The following FBXO42 variants were observed in gnomAD, a reference collection of about 807,000 sequenced individuals.
FBXO42 encodes F-box only protein 42.
In FBXO42, 12 loss-of-function variants were observed where a neutral mutation model predicts 71.7. The observed-to-expected ratio is 0.17, with a 90% CI of 0.11 to 0.27. The LOEUF (loss-of-function observed/expected upper bound fraction) is 0.27. Among genes scored for constraint, FBXO42 ranks in the 10% least tolerant of loss-of-function variants. The pLI is 1.00. For missense variants in FBXO42, 707 were observed against 911.9 expected, an observed-to-expected ratio of 0.78 and a Z score of 2.89; for synonymous variants, 325 against 327.5, an observed-to-expected ratio of 0.99 and a Z score of 0.08.
intron 2 of FBXO42, among the ~76,000 whole-genome samples, chr1:16,306,687 TG>T (rs2082254419): frequency 6.6e-6 from 1 of 151,986 alleles, no homozygotes; most frequent in South Asian, 2.1e-4. Context: ...AGTTTACAAT[TG>T]ATTATGTTTT....
At position 16,352,480 on chromosome 1, in the gene FBXO42, G is replaced by T; in HGVS notation, c.-243C>A. 2.5e-6 allele frequency: 1 copy of T among 396,150 alleles called. No individual in the cohort carries two copies. The highest frequency in any genetic ancestry group is 4.5e-6 in the Non-Finnish European group (1 of 224,486). 24.5% of individuals were successfully genotyped at this position (396,150 alleles called of 1,614,324 possible). A position where few individuals can be genotyped will look rare whatever the true frequency, so the allele number is the denominator to read the frequency against. On this transcript the variant is annotated 5_prime_UTR_variant, in exon 1 of 10. It adds an upstream start codon to the 5' untranslated region. Coordinates refer to ENST00000375592, the MANE Select transcript of FBXO42 (RefSeq NM_018994.3). Reference sequence around the variant, plus strand: ...GCTCAGGCCGGGAGAAGACAGCGCAGAGCGCGCATGCGCCGGGGCGGGCGC... The same window carrying T: ...GCTCAGGCCGGGAGAAGACAGCGCATAGCGCGCATGCGCCGGGGCGGGCGC...
At chr1:16,335,535 T>C (rs2082544811) in intron 1 of FBXO42, among the ~76,000 whole-genome samples, 1 of 152,110 alleles carries the variant, frequency 6.6e-6, no homozygotes, top group Non-Finnish European at 1.5e-5. Flanking sequence ...TTTATTTCGC[T>C]GTAGTATTAA....
chr1:16,312,696 A>C (rs377117212), intron 2 of FBXO42, among the ~76,000 whole-genome samples: 2 of 152,200 alleles, frequency 1.3e-5, no homozygotes, highest in Non-Finnish European at 2.9e-5. Context: ...GTATAGGTTC[A>C]TCAATTTTAA....
At chr1:16,344,195 C>G (rs2082634138) in intron 1 of FBXO42, among the ~76,000 whole-genome samples, 2 of 151,786 alleles carry the variant, frequency 1.3e-5, no homozygotes, top group South Asian at 4.1e-4. Context: ...TGGGGTTTCC[C>G]CATTGTTGGT....
Position 16,325,729 on chromosome 1 carries a change from G to A in FBXO42, c.-17-10294C>T, listed in dbSNP as rs189643933. On this transcript the variant is annotated intron_variant, in intron 1 of 9. Coordinates refer to ENST00000375592, the MANE Select transcript of FBXO42 (RefSeq NM_018994.3). ...TGGAGTGCAGTGAACTCACTCGAGC[G>A]ATTCTCCTACCTCAGCCTCCAGAGT... Among the ~76,000 whole-genome samples, 8 of 152,060 alleles carry A rather than the reference G, an allele frequency of 5.3e-5. No individual in the cohort carries two copies. The East Asian group carries it at 1.5e-3, about 29-fold the overall frequency.
In FBXO42 at chr1:16,250,894, T is replaced by A; in HGVS notation, c.1930A>T (p.Met644Leu). The A allele has an allele frequency of 2.5e-6, 4 of 1,614,174 alleles. No homozygotes were observed. The highest frequency in any genetic ancestry group is 3.4e-6 in the Non-Finnish European group (4 of 1,180,042). The change falls in exon 10 of 10, where the codon ATG becomes TTG. Residue 644 changes from methionine (M) to leucine (L), a missense_variant. Met to Leu is a conservative substitution (Grantham distance 15). Coordinates refer to ENST00000375592, the MANE Select transcript of FBXO42 (RefSeq NM_018994.3). The surrounding 1 kb of genome is among the most constrained non-coding windows in gnomAD (Gnocchi z 4.7). ...PLYQSMNCKP[M>L]QMYVLDIKDT... ...TTAATGTCCAGCACGTACATCTGCA[T>A]GGGCTTGCAGTTCATACTCTGGTAT...
intron 1 of FBXO42, 101 bp from the exon 2 acceptor site, chr1:16,315,536 C>T: frequency 8.1e-7 from 1 of 1,230,616 alleles, no homozygotes; most frequent in Non-Finnish European, 1.1e-6. Context: ...TTTCCACTCT[C>T]AGTGTGAAAT....
At chr1:16,295,965 A>T (rs979979984) in intron 3 of FBXO42, among the ~76,000 whole-genome samples, 3 of 152,204 alleles carry the variant, frequency 2.0e-5, no homozygotes, top group African/African-American at 7.2e-5. Context: ...TTTAAAAAAC[A>T]CCAGGATCTC....
At chr1:16,348,787 T>C (rs1005421006) in intron 1 of FBXO42, among the ~76,000 whole-genome samples, 5 of 152,172 alleles carry the variant, frequency 3.3e-5, no homozygotes, top group African/African-American at 4.8e-5. Context: ...ATCTTCTCAT[T>C]TTATTTATTG....
At chr1:16,263,830 G>T (rs1464008565) in intron 4 of FBXO42, among the ~76,000 whole-genome samples, 1 of 135,726 alleles carries the variant, frequency 7.4e-6, no homozygotes. Flanking sequence ...TTTTTTTGGA[G>T]GCAGAGTTTC....
chr1:16,346,582 G>GGAGGCT (rs1413565455), intron 1 of FBXO42, among the ~76,000 whole-genome samples: 1 of 151,522 alleles, frequency 6.6e-6, no homozygotes, highest in African/African-American at 2.4e-5. Flanking sequence ...CAGCTACTGA[G>GGAGGCT]GAGGCTGAGG....
chr1:16,297,866 C>CAAAAA (rs34942089), intron 3 of FBXO42, among the ~76,000 whole-genome samples: 3 of 74,562 alleles, frequency 4.0e-5, no homozygotes, highest in African/African-American at 6.0e-5. Context: ...GACTCCATCT[C>CAAAAA]AAAAAAAAAA....
At position 16,255,841 on chromosome 1, in the gene FBXO42, G is replaced by C. The variant is rs1393044400; in HGVS notation, c.657-20C>G. 1 of 1,588,078 alleles carries C rather than the reference G, an allele frequency of 6.3e-7. No homozygotes were observed. Among genetic ancestry groups the C allele is most frequent in the Non-Finnish European group, 8.6e-7 (1 of 1,161,800 alleles). ...TTCCACCTAATGTAAAAAGACAGGAGGAAGTCAAGAAGTCAGCACCACACA... is the reference window on the plus strand; with the variant it reads ...TTCCACCTAATGTAAAAAGACAGGACGAAGTCAAGAAGTCAGCACCACACA... On this transcript the variant is annotated intron_variant, in intron 5 of 9. Coordinates refer to ENST00000375592, the MANE Select transcript of FBXO42 (RefSeq NM_018994.3).
At chr1:16,344,151 C>A (rs1360662116) in intron 1 of FBXO42, among the ~76,000 whole-genome samples, 1 of 151,844 alleles carries the variant, frequency 6.6e-6, no homozygotes, top group East Asian at 1.9e-4. Context: ...GCATGTGCCA[C>A]CACACCCAGC....
At chr1:16,308,751 T>G (rs964187210) in intron 2 of FBXO42, among the ~76,000 whole-genome samples, 3 of 143,852 alleles carry the variant, frequency 2.1e-5, no homozygotes, top group African/African-American at 5.2e-5. Flanking sequence ...TTTTTTTTTT[T>G]TTTTTTTTTT....
At chr1:16,266,459 C>T (rs538805478) in intron 4 of FBXO42, among the ~76,000 whole-genome samples, 1 of 152,150 alleles carries the variant, frequency 6.6e-6, no homozygotes, top group Non-Finnish European at 1.5e-5. Flanking sequence ...TCTGTGCAGA[C>T]TCGCTTTCTC....
At chr1:16,337,883 CAAAAAAAAAAAAAAAAAAA>C (rs60328879) in intron 1 of FBXO42, among the ~76,000 whole-genome samples, 2,049 of 39,038 alleles carry the variant, frequency 0.052, 108 homozygotes, top group African/African-American at 0.18. Flanking sequence ...GACTCCGTCT[CAAAAAAAAAAAAAAAAAAA>C]AAAAAAAAAA....
intron 1 of FBXO42, among the ~76,000 whole-genome samples, chr1:16,327,559 A>G (rs1004634047): frequency 6.6e-6 from 1 of 152,242 alleles, no homozygotes; most frequent in Non-Finnish European, 1.5e-5. Flanking sequence ...AGTTAAAGAT[A>G]GAGCCTAAAC....
At chr1:16,271,249 G>T (rs1557577383) in intron 4 of FBXO42, among the ~76,000 whole-genome samples, 3 of 124,034 alleles carry the variant, frequency 2.4e-5, no homozygotes. Context: ...CTGTGTGCGT[G>T]TGTGTGTTGG....
Sources: allele counts gnomAD v4.1 joint callset (sites outside exome capture counted in the v4.1 genomes callset), GRCh38; gene constraint gnomAD v4.1.1; non-coding constraint Gnocchi (gnomAD v3.1); transcripts MANE v1.5; gene names NCBI Gene and HGNC (gene_info 2026-07-23, HGNC 2026-07-21).